ABCB10: variants seen among roughly 807,000 people sequenced by gnomAD.
ABCB10 encodes ATP binding cassette subfamily B member 10.
ABCB10 carries 54 observed loss-of-function variants against 65.4 expected under a neutral mutation model. That is an observed-to-expected ratio of 0.83 (90% confidence interval 0.66 to 1.04). The LOEUF is 1.04. Ranked by LOEUF, ABCB10 falls within the 50% of genes least tolerant of loss-of-function variation. The pLI, the probability that ABCB10 is intolerant of heterozygous loss-of-function variation, is 0.00. For missense variants in ABCB10, 846 were observed against 976.6 expected, an observed-to-expected ratio of 0.87 and a Z score of 1.78; for synonymous variants, 418 against 406.5, an observed-to-expected ratio of 1.03 and a Z score of -0.34.
At chr1:229,524,101 C>T (rs1662376519) in intron 10 of ABCB10, among the ~76,000 whole-genome samples, 1 of 151,944 alleles carries the variant, frequency 6.6e-6, no homozygotes, top group South Asian at 2.1e-4. Flanking sequence ...TTAGTCTAAT[C>T]TGCCAGCCTT....
chr1:229,537,019 A>C (rs900805721), intron 6 of ABCB10, among the ~76,000 whole-genome samples: 11 of 152,246 alleles, frequency 7.2e-5, no homozygotes, highest in African/African-American at 2.7e-4. Flanking sequence ...TGAAAATATT[A>C]TGCTAAGTGT....
At chr1:229,532,980 A>AT (rs984777943) in intron 6 of ABCB10, among the ~76,000 whole-genome samples, 16 of 152,118 alleles carry the variant, frequency 1.1e-4, no homozygotes, top group African/African-American at 3.9e-4. Flanking sequence ...CTTTATTTTT[A>AT]TTTTTTTGTG....
intron 6 of ABCB10, among the ~76,000 whole-genome samples, chr1:229,534,826 C>T (rs12724128): frequency 0.16 from 22,460 of 144,590 alleles, 2,254 homozygotes; most frequent in Middle Eastern, 0.25. Context: ...GAGCCAAGAC[C>T]GCGCCACTGC....
chr1:229,517,460 CAT>C lies in ABCB10; in HGVS notation c.*717_*718del, dbSNP rs774445842. On this transcript the variant is annotated 3_prime_UTR_variant, in exon 13 of 13. Transcript: ENST00000344517. Reference sequence around the variant, plus strand: ...TGCTTCGCAAAAGTACTCATACAAACATGTGAATTTAAAAAACATGTTTTCCT... The same window carrying C: ...TGCTTCGCAAAAGTACTCATACAAACGTGAATTTAAAAAACATGTTTTCCT... The C allele has an allele frequency of 9.2e-5, 14 of 152,206 alleles. No homozygotes were observed. Among genetic ancestry groups the C allele is most frequent in the African/African-American group, 2.4e-4 (10 of 41,454 alleles). 9.4% of individuals were successfully genotyped at this position (152,206 alleles called of 1,614,324 possible).
At chr1:229,526,885 T>C (rs1012379599) in intron 9 of ABCB10, among the ~76,000 whole-genome samples, 1 of 152,232 alleles carries the variant, frequency 6.6e-6, no homozygotes, top group African/African-American at 2.4e-5. Context: ...AATAGTAGAC[T>C]GTGGCTGGTG....
intron 9 of ABCB10, among the ~76,000 whole-genome samples, 162 bp downstream of exon 9, chr1:229,527,067 T>C (rs1662461838): frequency 2.6e-5 from 4 of 151,708 alleles, no homozygotes; most frequent in Admixed American, 2.6e-4. Flanking sequence ...GAAACAGCGC[T>C]ACTTGCAAAC....
At chr1:229,552,511 G>A (rs1663142307) in intron 1 of ABCB10, among the ~76,000 whole-genome samples, 2 of 152,116 alleles carry the variant, frequency 1.3e-5, no homozygotes, top group South Asian at 2.1e-4. Flanking sequence ...CAGCAAAGAT[G>A]GAAACAAATA....
chr1:229,542,379 A>G lies in ABCB10; in HGVS notation c.922-8T>C. On this transcript the variant is annotated splice_polypyrimidine_tract_variant and splice_region_variant and intron_variant, in intron 3 of 12. Coordinates refer to ENST00000344517, the MANE Select transcript of ABCB10 (RefSeq NM_012089.3). ...ATTAGGTGAGACAAAAAACTGTCAA[A>G]AACAAAAAAAAATTCAGAGGTGTTT... The G allele has an allele frequency of 1.9e-6, 3 of 1,608,114 alleles. No individual in the cohort carries two copies. The highest frequency in any genetic ancestry group is 1.7e-6 in the Non-Finnish European group (2 of 1,178,076).
chr1:229,553,576 G>A (rs537570198), intron 1 of ABCB10, among the ~76,000 whole-genome samples: 3 of 152,042 alleles, frequency 2.0e-5, no homozygotes, highest in Middle Eastern at 3.4e-3. Flanking sequence ...GAACTAGGAC[G>A]TGATGACTGG....
At position 229,548,993 on chromosome 1, in the gene ABCB10, C is replaced by T. The variant is rs566443493; in HGVS notation, c.718+241G>A. 1.2e-3 allele frequency among the ~76,000 whole-genome samples: 181 copies of T among 152,202 alleles called. 1 individual carries two copies. Among genetic ancestry groups the T allele is most frequent in the African/African-American group, 4.2e-3 (173 of 41,542 alleles). On this transcript the variant is annotated intron_variant, in intron 2 of 12. Coordinates refer to ENST00000344517, the MANE Select transcript of ABCB10 (RefSeq NM_012089.3). ...CTTATTTTCAAACCTCCCATAAGAC[C>T]GACATGATTGCCCTTACAGCTCAAC...
chr1:229,526,598 C>T (rs1253004830), intron 9 of ABCB10, among the ~76,000 whole-genome samples: 1 of 152,222 alleles, frequency 6.6e-6, no homozygotes, highest in Non-Finnish European at 1.5e-5. Flanking sequence ...TCCACCTGCC[C>T]TCACCCAAGT....
intron 1 of ABCB10, among the ~76,000 whole-genome samples, chr1:229,557,750 G>T (rs1169415328): frequency 6.6e-6 from 1 of 151,784 alleles, no homozygotes; most frequent in African/African-American, 2.4e-5. Context: ...AAGTATAAAC[G>T]CCTAATAACA....
intron 7 of ABCB10, among the ~76,000 whole-genome samples, chr1:229,530,876 C>A (rs1662569871): frequency 6.6e-6 from 1 of 152,228 alleles, no homozygotes; most frequent in Non-Finnish European, 1.5e-5. Flanking sequence ...GGGAGCGCTG[C>A]ACAGCAGCCG....
chr1:229,538,989 A>AT (rs1662782226), intron 6 of ABCB10, among the ~76,000 whole-genome samples: 1 of 152,222 alleles, frequency 6.6e-6, no homozygotes. Flanking sequence ...TACACTTGAT[A>AT]ATTTATAAAT....
In ABCB10 at chr1:229,530,402, AC is replaced by A; in HGVS notation, c.1441del (p.Val481SerfsTer3). The stretch of plus-strand genomic sequence containing the variant: ...CTGGAAGCTTTTCTCATTTAAGATG[AC>A]CCCCTCTGAAACATAAAATGGAATA... ...REPKLPFNEG[V>X]ILNEKSFQGA... is the part of the protein sequence containing the mutation. On this transcript the variant is annotated frameshift_variant, in exon 8 of 13. Transcript: ENST00000344517. LOFTEE classifies it high-confidence loss of function. 6.2e-7 allele frequency: 1 copy of A among 1,613,862 alleles called. No homozygotes were observed. Among genetic ancestry groups the A allele is most frequent in the Non-Finnish European group, 8.5e-7 (1 of 1,179,950 alleles).
intron 10 of ABCB10, among the ~76,000 whole-genome samples, chr1:229,523,661 T>G (rs1001260670): frequency 6.6e-6 from 1 of 152,072 alleles, no homozygotes; most frequent in South Asian, 2.1e-4. Context: ...TGGGAATCTA[T>G]TACTAGGTGC....
chr1:229,552,352 C>T (rs77265640), intron 1 of ABCB10, among the ~76,000 whole-genome samples: 2,057 of 152,298 alleles, frequency 0.014, 22 homozygotes, highest in Non-Finnish European at 0.021. Flanking sequence ...GAGCATACTG[C>T]AATTCTGAAA....
intron 8 of ABCB10, among the ~76,000 whole-genome samples, chr1:229,527,754 A>G (rs1662480582): frequency 6.6e-6 from 1 of 152,214 alleles, no homozygotes; most frequent in Non-Finnish European, 1.5e-5. Context: ...GCAACTGCCT[A>G]AATTTGTAGC....
At chr1:229,549,580 G>A (rs963342521) in intron 1 of ABCB10, 146 bp from the exon 2 acceptor site, 44 of 768,318 alleles carry the variant, frequency 5.7e-5, no homozygotes, top group Non-Finnish European at 8.4e-5. Context: ...TTTGCTCCTC[G>A]ATCTCTGACT....
Sources: gnomAD v4.1 joint callset for allele counts (sites outside exome capture counted in the v4.1 genomes callset) on GRCh38, gnomAD v4.1.1 for gene constraint, MANE v1.5 for transcripts, NCBI Gene and HGNC (gene_info 2026-07-23, HGNC 2026-07-21) for gene names.